Variants in GALNT15 observed in about 807,000 individuals in gnomAD.
GALNT15 encodes UDP-GalNAc transferase T15.
GALNT15 carries 67 observed loss-of-function variants against 66.8 expected under a neutral mutation model. The observed-to-expected ratio is 1.00, with a 90% confidence interval of 0.82 to 1.23. The LOEUF (loss-of-function observed/expected upper bound fraction) is 1.23, where lower values mean the gene tolerates loss of function less well. Among genes scored for constraint, GALNT15 ranks in the 50% most tolerant of loss-of-function variants. GALNT15 has a pLI of 0.00. For missense variants in GALNT15, 827 were observed against 804.3 expected, an observed-to-expected ratio of 1.03 and a Z score of -0.34; for synonymous variants, 313 against 311.5, an observed-to-expected ratio of 1.00 and a Z score of -0.05.
rs1463279470 is a variant in GALNT15, at chr3:16,186,952, A to G, written c.540-8808A>G. On this transcript the variant is annotated intron_variant, in intron 1 of 9. Transcript: ENST00000339732. The surrounding 1 kb of genome is among the most constrained non-coding windows in gnomAD (Gnocchi z 5.1). Reference sequence around the variant, plus strand: ...ATTATGGTATGTGAATTATATCTCAATAAAAATATTATTAAAACATTAGTG... The same window carrying G: ...ATTATGGTATGTGAATTATATCTCAGTAAAAATATTATTAAAACATTAGTG... Among the ~76,000 whole-genome samples the G allele has an allele frequency of 6.6e-6, 1 of 152,170 alleles. No individual in the cohort carries two copies. The highest frequency in any genetic ancestry group is 1.5e-5 in the Non-Finnish European group (1 of 68,036).
chr3:16,176,548 G>A lies in GALNT15; in HGVS notation c.539+858G>A, dbSNP rs955614357. 6.6e-6 allele frequency among the ~76,000 whole-genome samples: 1 copy of A among 152,214 alleles called. No individual in the cohort carries two copies. The highest frequency in any genetic ancestry group is 2.4e-5 in the African/African-American group (1 of 41,460). On this transcript the variant is annotated intron_variant, in intron 1 of 9. Transcript: ENST00000339732. The surrounding 1 kb of genome is among the most constrained non-coding windows in gnomAD (Gnocchi z 5.6). ...AGCCCCAGGAGGTAAGCTGAGAAGT[G>A]TAGGTGATGGGCAGAGCTGTGCCCA...
At chr3:16,222,914 G>A (rs1460400156) in intron 9 of GALNT15, among the ~76,000 whole-genome samples, 156 bp downstream of exon 9, 1 of 152,190 alleles carries the variant, frequency 6.6e-6, no homozygotes, top group African/African-American at 2.4e-5. Flanking sequence ...TCAGGGGGAG[G>A]AAAAGGCAAC....
At chr3:16,214,562 AG>A (rs1408348456) in intron 6 of GALNT15, among the ~76,000 whole-genome samples, 3 of 152,166 alleles carry the variant, frequency 2.0e-5, no homozygotes, top group Non-Finnish European at 4.4e-5. Context: ...TGGTCAAAAA[AG>A]GTCAACCAAG....
intron 6 of GALNT15, among the ~76,000 whole-genome samples, chr3:16,218,580 T>C (rs1003341670): frequency 3.3e-5 from 5 of 152,102 alleles, no homozygotes; most frequent in African/African-American, 1.2e-4. Flanking sequence ...CCCAAAAGAA[T>C]GATTCATTAA....
chr3:16,228,805 G>C lies in GALNT15; in HGVS notation c.*1305G>C. ...TGACAGGTAACATTTGGGTGTTAATGTCCATGAGAGCTGACAGGGCCATCT... is the reference window on the plus strand; with the variant it reads ...TGACAGGTAACATTTGGGTGTTAATCTCCATGAGAGCTGACAGGGCCATCT... On this transcript the variant is annotated 3_prime_UTR_variant, in exon 10 of 10. Transcript: ENST00000339732. 6 of 985,392 alleles carry C rather than the reference G, an allele frequency of 6.1e-6. No individual in the cohort carries two copies. The highest frequency in any genetic ancestry group is 7.2e-6 in the Non-Finnish European group (6 of 829,928). The allele number at this position is 985,392 out of a possible 1,614,324, so 61.0% of individuals were successfully genotyped here.
At chr3:16,237,974 T>C in the GALNT15 span, among the ~76,000 whole-genome samples, 1 of 152,240 alleles carries the variant, frequency 6.6e-6, no homozygotes, top group Admixed American at 6.5e-5. This position sits in a 1 kb window ranked among gnomAD's most constrained non-coding sequence, Gnocchi z 4.2. Context: ...GACGCTAGCC[T>C]TGCAGGTGGG....
the GALNT15 span, among the ~76,000 whole-genome samples, chr3:16,238,778 T>A: frequency 1.2e-4 from 18 of 152,132 alleles, no homozygotes; most frequent in Non-Finnish European, 2.4e-4. The surrounding 1 kb of genome is among the most constrained non-coding windows in gnomAD (Gnocchi z 4.8). Context: ...CAAATGGGAA[T>A]GGGTAAAAAT....
rs529490101 is a variant in GALNT15 at position 16,204,396 on chromosome 3, T to G, written c.911+3573T>G. Among the ~76,000 whole-genome samples, 12 of 152,178 alleles carry G rather than the reference T, an allele frequency of 7.9e-5. No homozygotes were observed. The highest frequency in any genetic ancestry group is 2.2e-4 in the African/African-American group (9 of 41,440). On this transcript the variant is annotated intron_variant, in intron 3 of 9. Coordinates refer to ENST00000339732, the MANE Select transcript of GALNT15 (RefSeq NM_054110.5). This position sits in a 1 kb window ranked among gnomAD's most constrained non-coding sequence, Gnocchi z 4.5. ...TACAGTAATGATAATATTAGAGATG[T>G]TCTCTTGGGTTGCACAGTGCGCAAC...
the GALNT15 span, among the ~76,000 whole-genome samples, chr3:16,237,473 A>G: frequency 6.6e-6 from 1 of 152,144 alleles, no homozygotes; most frequent in Non-Finnish European, 1.5e-5. The surrounding 1 kb of genome is among the most constrained non-coding windows in gnomAD (Gnocchi z 4.2). Context: ...GACAGTTCCA[A>G]GCTCTCCAGC....
chr3:16,226,106 T>C (rs528735958), intron 9 of GALNT15, among the ~76,000 whole-genome samples: 1 of 151,816 alleles, frequency 6.6e-6, no homozygotes, highest in African/African-American at 2.4e-5. Flanking sequence ...AGGCCACATT[T>C]ATATAGTTCC....
intron 8 of GALNT15, among the ~76,000 whole-genome samples, chr3:16,222,320 A>G (rs886967438): frequency 4.6e-5 from 7 of 152,224 alleles, no homozygotes; most frequent in Non-Finnish European, 1.0e-4. Flanking sequence ...ATAGTAACAA[A>G]ACACACAGCA....
chr3:16,202,728 T>C (rs1481339430), intron 3 of GALNT15, among the ~76,000 whole-genome samples: 1 of 152,254 alleles, frequency 6.6e-6, no homozygotes, highest in Non-Finnish European at 1.5e-5. Flanking sequence ...TGTCTATCAT[T>C]GGAGTCAGAC....
In GALNT15 at chr3:16,224,892, C is replaced by T. The variant is rs529170861; in HGVS notation, c.1773+2134C>T. On this transcript the variant is annotated intron_variant, in intron 9 of 9. Coordinates refer to ENST00000339732, the MANE Select transcript of GALNT15 (RefSeq NM_054110.5). The surrounding 1 kb of genome is among the most constrained non-coding windows in gnomAD (Gnocchi z 5.2). ...CATCAGGTAATCTGCCTGCCTCGGC[C>T]TCCCAAAGTGCTGGGATTACAAGTG... 8.5e-5 allele frequency among the ~76,000 whole-genome samples: 13 copies of T among 152,220 alleles called. No individual in the cohort carries two copies. In the East Asian group the frequency reaches 2.5e-3, roughly 29 times the overall value.
chr3:16,192,370 C>T (rs1037020715), intron 1 of GALNT15, among the ~76,000 whole-genome samples: 1 of 152,224 alleles, frequency 6.6e-6, no homozygotes, highest in Non-Finnish European at 1.5e-5. Flanking sequence ...ACTGTCCCCA[C>T]AGGAATTCCA....
intron 8 of GALNT15, among the ~76,000 whole-genome samples, chr3:16,220,806 A>T (rs919756180): frequency 6.6e-6 from 1 of 152,210 alleles, no homozygotes; most frequent in Non-Finnish European, 1.5e-5. Context: ...AGGCTGGCTG[A>T]GGCTGGGCTT....
At position 16,227,911 on chromosome 3, in the gene GALNT15, A is replaced by G. The variant is rs2064040382; in HGVS notation, c.*411A>G. On this transcript the variant is annotated 3_prime_UTR_variant, in exon 10 of 10. Transcript: ENST00000339732. The surrounding 1 kb of genome is among the most constrained non-coding windows in gnomAD (Gnocchi z 4.5). ...CTTAACTTGGATTGTCTGTTTGGCCAACCATGAAAATTAAAGAGTGAAGCA... is the reference window on the plus strand; with the variant it reads ...CTTAACTTGGATTGTCTGTTTGGCCGACCATGAAAATTAAAGAGTGAAGCA... The G allele has an allele frequency of 9.9e-7, 1 of 1,005,148 alleles. No homozygotes were observed. Among genetic ancestry groups the G allele is most frequent in the Non-Finnish European group, 1.2e-6 (1 of 843,156 alleles). The allele number at this position is 1,005,148 out of a possible 1,614,324, so 62.3% of individuals were successfully genotyped here. A position where few individuals can be genotyped will look rare whatever the true frequency, so the allele number is the denominator to read the frequency against.
At chr3:16,212,506 C>G in intron 5 of GALNT15, 63 bp from the exon 6 acceptor site, 1 of 1,491,182 alleles carries the variant, frequency 6.7e-7, no homozygotes, top group Non-Finnish European at 9.2e-7. Context: ...AGATAGGGCT[C>G]CCTATTTCCC....
chr3:16,195,964 C>T lies in GALNT15; in HGVS notation c.706+38C>T, dbSNP rs2063630174. 6.2e-7 allele frequency: 1 copy of T among 1,606,252 alleles called. No homozygotes were observed. The highest frequency in any genetic ancestry group is 8.5e-7 in the Non-Finnish European group (1 of 1,174,736). ...TTCCTCCAGGCTCGTCTGGGTGAGC[C>T]TTACCCCCTGGCGGGTGGAGTTCTC... On this transcript the variant is annotated intron_variant, in intron 2 of 9. Coordinates refer to ENST00000339732, the MANE Select transcript of GALNT15 (RefSeq NM_054110.5). The surrounding 1 kb of genome is among the most constrained non-coding windows in gnomAD (Gnocchi z 4.6).
Position 16,175,523 on chromosome 3 carries a change from G to A in GALNT15, c.372G>A (p.Arg124=), listed in dbSNP as rs148441054. ...GCTACCGCCTCATCAAGCAGCCAAGGAGGCAGGATAAGGAAGCCCCAAAGA... is the reference window on the plus strand; with the variant it reads ...GCTACCGCCTCATCAAGCAGCCAAGAAGGCAGGATAAGGAAGCCCCAAAGA... ...GGSYRLIKQP[R]RQDKEAPKRD... The change falls in exon 1 of 10, where the codon AGG becomes AGA. Residue 124 remains arginine (R), a synonymous_variant. Coordinates refer to ENST00000339732, the MANE Select transcript of GALNT15 (RefSeq NM_054110.5). The surrounding 1 kb of genome is among the most constrained non-coding windows in gnomAD (Gnocchi z 5.6). The A allele has an allele frequency of 1.1e-4, 180 of 1,613,952 alleles. No individual in the cohort carries two copies. Among genetic ancestry groups the A allele is most frequent in the Non-Finnish European group, 1.5e-4 (172 of 1,179,986 alleles).
Sources: allele counts gnomAD v4.1 joint callset (sites outside exome capture counted in the v4.1 genomes callset), GRCh38; gene constraint gnomAD v4.1.1; non-coding constraint Gnocchi (gnomAD v3.1); transcripts MANE v1.5; gene names NCBI Gene and HGNC (gene_info 2026-07-23, HGNC 2026-07-21).